Variants in TMEM132D observed in about 807,000 individuals in gnomAD.
TMEM132D encodes transmembrane protein 132D.
In TMEM132D, 21 loss-of-function variants were observed where a neutral mutation model predicts 62.3. The observed-to-expected ratio is 0.34, with a 90% CI of 0.24 to 0.49. The LOEUF (loss-of-function observed/expected upper bound fraction) is 0.49, where lower values mean the gene tolerates loss of function less well. TMEM132D is among the 20% of genes least tolerant of loss of function. The probability of loss-of-function intolerance (pLI) is 0.99; values close to 1 mark genes in which losing one functional copy is unlikely to be tolerated. For synonymous variants in TMEM132D, 621 were observed against 575.6 expected (o/e 1.08, Z -1.13); for missense variants, 1,346 against 1,402.8 (o/e 0.96, Z 0.65).
rs531955991 is a variant in TMEM132D, at chr12:129,271,557, C to T, written c.1300-61894G>A. ...GTATTTGTCCTAATGCTCTCCCTCCCCTTGCCCCCCACCCCCTAACAGGGC... is the reference window on the plus strand; with the variant it reads ...GTATTTGTCCTAATGCTCTCCCTCCTCTTGCCCCCCACCCCCTAACAGGGC... On this transcript the variant is annotated intron_variant, in intron 4 of 8. Coordinates refer to ENST00000422113, the MANE Select transcript of TMEM132D (RefSeq NM_133448.3). Among the ~76,000 whole-genome samples the T allele has an allele frequency of 1.1e-3, 161 of 151,640 alleles. 3 individuals are homozygous for T. Among genetic ancestry groups the T allele is most frequent in the African/African-American group, 3.7e-3 (152 of 41,040 alleles).
intron 5 of TMEM132D, among the ~76,000 whole-genome samples, chr12:129,124,430 A>T (rs1287920553): frequency 6.6e-6 from 1 of 152,224 alleles, no homozygotes; most frequent in East Asian, 1.9e-4. Flanking sequence ...AGATCAAAAC[A>T]TGGAACATTT....
chr12:129,391,499 C>A (rs772095790), intron 3 of TMEM132D, among the ~76,000 whole-genome samples: 28 of 152,230 alleles, frequency 1.8e-4, no homozygotes, highest in Non-Finnish European at 3.2e-4. Context: ...AGAACCTCAC[C>A]CTCGAAAGGT....
At chr12:129,200,737 C>A (rs1016175486) in intron 5 of TMEM132D, among the ~76,000 whole-genome samples, 1 of 152,216 alleles carries the variant, frequency 6.6e-6, no homozygotes, top group Non-Finnish European at 1.5e-5. Flanking sequence ...ACTCTCCTCT[C>A]CTCAGGAACA....
intron 2 of TMEM132D, among the ~76,000 whole-genome samples, chr12:129,672,948 A>G (rs955633730): frequency 6.6e-6 from 1 of 152,120 alleles, no homozygotes; most frequent in Non-Finnish European, 1.5e-5. Context: ...GGGTTTTACC[A>G]TGTTAACCGG....
intron 5 of TMEM132D, among the ~76,000 whole-genome samples, chr12:129,166,833 A>G (rs1001903733): frequency 2.6e-5 from 4 of 151,518 alleles, no homozygotes; most frequent in African/African-American, 9.7e-5. Flanking sequence ...CTCGGAAGAC[A>G]CAAGTACATT....
intron 1 of TMEM132D, among the ~76,000 whole-genome samples, chr12:129,882,555 A>G (rs1236437613): frequency 6.6e-6 from 1 of 152,228 alleles, no homozygotes. Flanking sequence ...TAAGATGACT[A>G]GTTAACAATA....
Position 129,311,055 on chromosome 12 carries a change from G to A in TMEM132D, c.1299+26579C>T, listed in dbSNP as rs1440580702. Reference sequence around the variant, plus strand: ...CTACTAAAAATACAAAAAATTAGCCGGGCGTGGTAGCGGGCGCCTGTAGTC... The same window carrying A: ...CTACTAAAAATACAAAAAATTAGCCAGGCGTGGTAGCGGGCGCCTGTAGTC... On this transcript the variant is annotated intron_variant, in intron 4 of 8. Coordinates refer to ENST00000422113, the MANE Select transcript of TMEM132D (RefSeq NM_133448.3). Among the ~76,000 whole-genome samples, 6 of 100,038 alleles carry A rather than the reference G, an allele frequency of 6.0e-5. 1 individual carries two copies. In the South Asian group the frequency reaches 1.4e-3, roughly 24 times the overall value. 65.6% of individuals were successfully genotyped at this position (100,038 alleles called of 152,430 possible). A position where few individuals can be genotyped will look rare whatever the true frequency, so the allele number is the denominator to read the frequency against.
chr12:129,479,556 C>T (rs1437430477), intron 3 of TMEM132D, among the ~76,000 whole-genome samples: 1 of 152,100 alleles, frequency 6.6e-6, no homozygotes, highest in East Asian at 1.9e-4. Flanking sequence ...AAAACCAATG[C>T]CTGTCCTCAT....
At chr12:129,222,086 T>C (rs1207026463) in intron 4 of TMEM132D, among the ~76,000 whole-genome samples, 1 of 152,094 alleles carries the variant, frequency 6.6e-6, no homozygotes, top group Non-Finnish European at 1.5e-5. Flanking sequence ...TGCAGAGGGA[T>C]TGCATTTTGG....
Position 129,699,938 on chromosome 12 carries a change from G to A in TMEM132D, c.840C>T (p.Ser280=), listed in dbSNP as rs755207617. 6.2e-6 allele frequency: 10 copies of A among 1,614,010 alleles called. No homozygotes were observed. The highest frequency in any genetic ancestry group is 8.5e-6 in the Non-Finnish European group (10 of 1,180,030). ...TGTTGTCCAGACGCAGTTCTCTCAG[G>A]GAGGGTTTCCTGTGTGTCTGATAAA... ...IFLYQTHRKP[S]LRELRLDNSV... Residue 280 remains serine (S), a synonymous_variant, in exon 2 of 9, where the codon TCC becomes TCT. Transcript: ENST00000422113.
intron 3 of TMEM132D, among the ~76,000 whole-genome samples, chr12:129,380,749 A>G (rs1870926394): frequency 6.6e-6 from 1 of 152,026 alleles, no homozygotes; most frequent in African/African-American, 2.4e-5. Context: ...ATCCCTGGCA[A>G]CCGCTATTGT....
chr12:129,575,640 A>G (rs77597715), intron 2 of TMEM132D, among the ~76,000 whole-genome samples: 1 of 151,914 alleles, frequency 6.6e-6, no homozygotes, highest in Admixed American at 6.6e-5. Context: ...CCTAGTGGTC[A>G]GATTGGACTT....
chr12:129,656,233 A>G (rs1204360371), intron 2 of TMEM132D, among the ~76,000 whole-genome samples: 1 of 152,072 alleles, frequency 6.6e-6, no homozygotes, highest in Non-Finnish European at 1.5e-5. Context: ...AGGGAGAAAA[A>G]GGAGAGAAGG....
intron 2 of TMEM132D, among the ~76,000 whole-genome samples, chr12:129,542,065 C>T (rs951854243): frequency 9.9e-5 from 15 of 152,188 alleles, no homozygotes; most frequent in Non-Finnish European, 1.8e-4. Context: ...CTCATAAGTT[C>T]CAAATGTAGC....
intron 5 of TMEM132D, among the ~76,000 whole-genome samples, chr12:129,112,459 C>T (rs1057244652): frequency 6.6e-5 from 10 of 152,254 alleles, no homozygotes; most frequent in African/African-American, 1.2e-4. Flanking sequence ...GTCGGGAGTT[C>T]GAGACCATCC....
intron 3 of TMEM132D, among the ~76,000 whole-genome samples, chr12:129,390,645 C>T (rs184213394): frequency 2.7e-4 from 41 of 152,264 alleles, no homozygotes; most frequent in East Asian, 1.9e-4. Context: ...CACAAGCCTG[C>T]GATTACCTCC....
At chr12:129,527,090 C>G (rs1375109190) in intron 3 of TMEM132D, among the ~76,000 whole-genome samples, 1 of 152,220 alleles carries the variant, frequency 6.6e-6, no homozygotes, top group Admixed American at 6.5e-5. Context: ...AGGTAGATTG[C>G]TTGGGCTCAG....
intron 2 of TMEM132D, among the ~76,000 whole-genome samples, chr12:129,619,702 G>A (rs1168324464): frequency 6.6e-6 from 1 of 152,126 alleles, no homozygotes; most frequent in Non-Finnish European, 1.5e-5. Context: ...CCTGTTTCCA[G>A]TGTTTCAAAC....
At chr12:129,633,331 A>G (rs931449176) in intron 2 of TMEM132D, among the ~76,000 whole-genome samples, 6 of 152,208 alleles carry the variant, frequency 3.9e-5, no homozygotes, top group African/African-American at 1.4e-4. Flanking sequence ...GCTTTTACCT[A>G]TTTAAATTCA....
Sources: allele counts gnomAD v4.1 joint callset (sites outside exome capture counted in the v4.1 genomes callset), GRCh38; gene constraint gnomAD v4.1.1; transcripts MANE v1.5; gene names NCBI Gene and HGNC (gene_info 2026-07-23, HGNC 2026-07-21).